CBLB: variants seen among roughly 807,000 people sequenced by gnomAD.
CBLB encodes the protein Cbl proto-oncogene B.
In CBLB, 31 loss-of-function variants were observed where a neutral mutation model predicts 104.9. The ratio of observed to expected loss-of-function variants is 0.30; its 90% confidence interval spans 0.22 to 0.40. The LOEUF is 0.40. CBLB is among the 10% of genes least tolerant of loss of function. The probability of loss-of-function intolerance (pLI) is 1.00; values close to 1 mark genes in which losing one functional copy is unlikely to be tolerated. For synonymous variants in CBLB, 440 were observed against 422.6 expected, an observed-to-expected ratio of 1.04 and a Z score of -0.51; for missense variants, 1,062 against 1,214.6, an observed-to-expected ratio of 0.87 and a Z score of 1.87.
chr3:105,709,056 C>T (rs1374544143), intron 10 of CBLB, among the ~76,000 whole-genome samples: 1 of 151,874 alleles, frequency 6.6e-6, no homozygotes, highest in Non-Finnish European at 1.5e-5. Context: ...CCACTATCAG[C>T]TCTTAATGCA....
chr3:105,780,819 T>C lies in CBLB; in HGVS notation c.420-4277A>G, dbSNP rs531122393. ...CTGGGACTACAGGCGCCCGCCACCA[T>C]GCCCAGCTAATTTTTTGTAGTTTTA... is the stretch of plus-strand genomic sequence containing the variant. On this transcript the variant is annotated intron_variant, in intron 3 of 18. Coordinates refer to ENST00000394030, the MANE Select transcript of CBLB (RefSeq NM_170662.5). 2.0e-3 allele frequency among the ~76,000 whole-genome samples: 301 copies of C among 152,034 alleles called. 2 individuals are homozygous for C. The highest frequency in any genetic ancestry group is 7.0e-3 in the African/African-American group (292 of 41,494).
chr3:105,743,937 G>A (rs893528230), intron 6 of CBLB, among the ~76,000 whole-genome samples: 1 of 151,904 alleles, frequency 6.6e-6, no homozygotes, highest in Non-Finnish European at 1.5e-5. Flanking sequence ...AAGTTAGGAA[G>A]GAAAGAAGGA....
At chr3:105,842,715 G>A (rs893780998) in intron 3 of CBLB, among the ~76,000 whole-genome samples, 3 of 152,102 alleles carry the variant, frequency 2.0e-5, no homozygotes, top group African/African-American at 7.2e-5. Context: ...AAATGAAGCT[G>A]CAACAGGAAT....
In CBLB at chr3:105,776,385, T is replaced by C; in HGVS notation, c.566+11A>G. 6.2e-7 allele frequency: 1 copy of C among 1,612,384 alleles called. No individual in the cohort carries two copies. Among genetic ancestry groups the C allele is most frequent in the Non-Finnish European group, 8.5e-7 (1 of 1,178,992 alleles). ...GATAGATCCACAGCTATAAAAATGA[T>C]TTTTACTTACTTGTCTCCAAAAAAC... On this transcript the variant is annotated intron_variant, in intron 4 of 18. Transcript: ENST00000394030.
At chr3:105,695,161 T>A (rs2068194337) in intron 12 of CBLB, among the ~76,000 whole-genome samples, 1 of 151,826 alleles carries the variant, frequency 6.6e-6, no homozygotes, top group Non-Finnish European at 1.5e-5. Context: ...GAAAATGTAA[T>A]GTGGATTTTA....
Position 105,727,658 on chromosome 3 carries a change from G to C in CBLB, c.1203+6351C>G, listed in dbSNP as rs74916187. 6.4e-3 allele frequency among the ~76,000 whole-genome samples: 979 copies of C among 152,258 alleles called. 12 individuals are homozygous for C. The highest frequency in any genetic ancestry group is 0.023 in the African/African-American group (938 of 41,550). ...ATGGTATTGCCTAGGTTTTCTTCTA[G>C]GGTTTTTACGGTTTTATGTCTTACA... is the stretch of plus-strand genomic sequence containing the variant. On this transcript the variant is annotated intron_variant, in intron 9 of 18. Coordinates refer to ENST00000394030, the MANE Select transcript of CBLB (RefSeq NM_170662.5).
intron 3 of CBLB, among the ~76,000 whole-genome samples, chr3:105,784,912 G>T (rs1249926335): frequency 6.6e-6 from 1 of 152,036 alleles, no homozygotes; most frequent in East Asian, 1.9e-4. Context: ...TAAGCCATTC[G>T]TTCACCCTAC....
At chr3:105,775,462 T>C (rs781540061) in intron 4 of CBLB, among the ~76,000 whole-genome samples, 1 of 152,226 alleles carries the variant, frequency 6.6e-6, no homozygotes, top group Non-Finnish European at 1.5e-5. Flanking sequence ...TTTTTATGTC[T>C]AATTTCATCA....
intron 3 of CBLB, among the ~76,000 whole-genome samples, chr3:105,792,515 C>T (rs2152997325): frequency 6.6e-6 from 1 of 152,248 alleles, no homozygotes; most frequent in Admixed American, 6.5e-5. Flanking sequence ...CTTTGACAGC[C>T]CAGTCCTGGG....
intron 4 of CBLB, among the ~76,000 whole-genome samples, chr3:105,774,326 T>C (rs964140827): frequency 1.3e-5 from 2 of 152,158 alleles, no homozygotes; most frequent in Non-Finnish European, 2.9e-5. Flanking sequence ...TTCATGCATA[T>C]GTCCATTCAT....
chr3:105,866,477 C>T (rs1403834972), intron 2 of CBLB, among the ~76,000 whole-genome samples: 2 of 152,132 alleles, frequency 1.3e-5, no homozygotes, highest in South Asian at 2.1e-4. Context: ...TAATTGGCCC[C>T]AGATATCTAT....
intron 10 of CBLB, among the ~76,000 whole-genome samples, chr3:105,719,096 CAAAAGTA>C (rs1559944003): frequency 6.6e-6 from 1 of 152,152 alleles, no homozygotes; most frequent in Non-Finnish European, 1.5e-5. Context: ...GGTAAATTCA[CAAAAGTA>C]AATCTTATGT....
Position 105,733,945 on chromosome 3 carries a change from A to C in CBLB, c.1203+64T>G, listed in dbSNP as rs535184892. The C allele has an allele frequency of 2.7e-5, 40 of 1,502,058 alleles. No homozygotes were observed. In the South Asian group the frequency reaches 4.0e-4, roughly 15 times the overall value. 93.0% of individuals were successfully genotyped at this position (1,502,058 alleles called of 1,614,324 possible). A position where few individuals can be genotyped will look rare whatever the true frequency, so the allele number is the denominator to read the frequency against. On this transcript the variant is annotated intron_variant, in intron 9 of 18. Transcript: ENST00000394030. Reference sequence around the variant, plus strand: ...AGCATTACTTCCTAAACCATTAAGAAAACTGAAAAGAGAAATATTAGTAGG... The same window carrying C: ...AGCATTACTTCCTAAACCATTAAGACAACTGAAAAGAGAAATATTAGTAGG...
Position 105,737,124 on chromosome 3 carries a change from C to T in CBLB, c.1071+47G>A, listed in dbSNP as rs369649731. ...AAGAGAGTCTTATTTATTTCAAGGG[C>T]ATTATGGATACTTATTTAATTATAC... On this transcript the variant is annotated intron_variant, in intron 8 of 18. Coordinates refer to ENST00000394030, the MANE Select transcript of CBLB (RefSeq NM_170662.5). The T allele has an allele frequency of 1.4e-5, 13 of 918,838 alleles. No individual in the cohort carries two copies. The African/African-American group carries it at 1.6e-4, about 12-fold the overall frequency. 56.9% of individuals were successfully genotyped at this position (918,838 alleles called of 1,614,324 possible).
chr3:105,678,556 T>A lies in CBLB; in HGVS notation c.2444A>T (p.Asp815Val), dbSNP rs1333896117. 1 of 1,612,870 alleles carries A rather than the reference T, an allele frequency of 6.2e-7. No individual in the cohort carries two copies. Among genetic ancestry groups the A allele is most frequent in the Admixed American group, 1.7e-5 (1 of 59,850 alleles). The change falls in exon 17 of 19, where the codon GAT (aspartate) becomes GTT (valine). Residue 815 changes from aspartate to valine, a missense_variant. Physicochemically the swap from Asp to Val is radical, Grantham distance 152 (BLOSUM62 -3). This residue lies in a region of CBLB where 605 missense variants were observed against 582.6 expected (regional missense o/e 1.04). Coordinates refer to ENST00000394030, the MANE Select transcript of CBLB (RefSeq NM_170662.5). ...AGGTGGGAGAGATGGAGGGAGGGCA[T>A]CAAAAGCATCTTCACCTGCATTTAA... The part of the protein sequence containing the change: ...LIPPLGEDAF[D>V]ALPPSLPPPP...
At chr3:105,816,977 A>C (rs1020126684) in intron 3 of CBLB, among the ~76,000 whole-genome samples, 2 of 152,194 alleles carry the variant, frequency 1.3e-5, no homozygotes, top group African/African-American at 4.8e-5. Context: ...AGAAATCAGC[A>C]AGGTCTAAAG....
chr3:105,683,734 T>A (rs1213626100), intron 14 of CBLB, among the ~76,000 whole-genome samples: 1 of 152,230 alleles, frequency 6.6e-6, no homozygotes, highest in Non-Finnish European at 1.5e-5. Flanking sequence ...TTCTGATACA[T>A]AAAATTAGCT....
rs375798944 is a variant in CBLB at position 105,859,657 on chromosome 3, C to T, written c.169-5993G>A. On this transcript the variant is annotated intron_variant, in intron 2 of 18. Transcript: ENST00000394030. The stretch of plus-strand genomic sequence containing the variant: ...CAACCTGGGCCACAGAGTGAGACTC[C>T]GTGTCAAAAAAAAAAAAAAAAAAAA... Among the ~76,000 whole-genome samples the T allele has an allele frequency of 5.5e-3, 242 of 43,686 alleles. 2 individuals carry two copies. The highest frequency in any genetic ancestry group is 0.018 in the African/African-American group (229 of 12,600). The allele number at this position is 43,686 out of a possible 152,430, so 28.7% of individuals were successfully genotyped here.
chr3:105,769,965 T>C (rs2078669050), intron 4 of CBLB, among the ~76,000 whole-genome samples: 1 of 152,142 alleles, frequency 6.6e-6, no homozygotes, highest in African/African-American at 2.4e-5. Flanking sequence ...AAGAAGAGAA[T>C]TTTATGTATG....
Sources: gnomAD v4.1 joint callset for allele counts (sites outside exome capture counted in the v4.1 genomes callset) on GRCh38, gnomAD v4.1.1 for gene constraint, gnomAD v4.1.1 regional missense constraint, MANE v1.5 for transcripts, NCBI Gene and HGNC (gene_info 2026-07-23, HGNC 2026-07-21) for gene names.